The following HACD2 variants were observed in gnomAD, a reference collection of about 807,000 sequenced individuals.
HACD2 encodes very-long-chain (3R)-3-hydroxyacyl-CoA dehydratase 2.
Under a neutral mutation model 31.0 loss-of-function variants are expected in HACD2, and 15 were observed. That is an observed-to-expected ratio of 0.48 (90% confidence interval 0.32 to 0.75). The LOEUF (loss-of-function observed/expected upper bound fraction) is 0.75, where lower values mean the gene tolerates loss of function less well. Among genes scored for constraint, HACD2 ranks in the 30% least tolerant of loss-of-function variants. The pLI, the probability that HACD2 is intolerant of heterozygous loss-of-function variation, is 0.03. For missense variants in HACD2, 283 were observed against 313.0 expected, an observed-to-expected ratio of 0.90 and a Z score of 0.72; for synonymous variants, 115 against 122.2, an observed-to-expected ratio of 0.94 and a Z score of 0.39.
At chr3:123,529,108 A>T (rs188036595) in intron 3 of HACD2, among the ~76,000 whole-genome samples, 2 of 149,994 alleles carry the variant, frequency 1.3e-5, no homozygotes, top group African/African-American at 2.5e-5. Context: ...TATTTTCTTT[A>T]TTTATTTTTT....
In HACD2 at chr3:123,530,702, C is replaced by T. The variant is rs115536624; in HGVS notation, c.293-2228G>A. Among the ~76,000 whole-genome samples, 665 of 151,148 alleles carry T rather than the reference C, an allele frequency of 4.4e-3. 4 individuals are homozygous for T. The highest frequency in any genetic ancestry group is 0.016 in the African/African-American group (646 of 41,236). ...GATTACAGGCGTGAGCCACTGCGCCCGGCCTGCCCAGGTAATTTTTTAAAG... is the reference window on the plus strand; with the variant it reads ...GATTACAGGCGTGAGCCACTGCGCCTGGCCTGCCCAGGTAATTTTTTAAAG... On this transcript the variant is annotated intron_variant, in intron 3 of 6. Transcript: ENST00000383657.
chr3:123,554,577 G>C (rs2056654958), intron 3 of HACD2, among the ~76,000 whole-genome samples: 1 of 152,076 alleles, frequency 6.6e-6, no homozygotes, highest in Non-Finnish European at 1.5e-5. Flanking sequence ...ATATAACAGA[G>C]TATGTAGCAA....
chr3:123,519,559 T>A (rs1328840914), intron 4 of HACD2, among the ~76,000 whole-genome samples: 1 of 152,268 alleles, frequency 6.6e-6, no homozygotes, highest in Admixed American at 6.5e-5. Context: ...AGAGATCAGT[T>A]ACCTGACTGA....
chr3:123,516,813 G>A (rs1208164951), intron 4 of HACD2, among the ~76,000 whole-genome samples: 1 of 152,128 alleles, frequency 6.6e-6, no homozygotes, highest in East Asian at 1.9e-4. Context: ...AACTTTAATG[G>A]TTCCTATGTG....
Position 123,567,799 on chromosome 3 carries a change from A to T in HACD2, c.274-19T>A, listed in dbSNP as rs761406002. ...GTAAAATCTAGAGGAAAAAAGGGGA[A>T]AAAAGAGGAGAATTAGTAAGAATCA... On this transcript the variant is annotated intron_variant, in intron 2 of 6. Coordinates refer to ENST00000383657, the MANE Select transcript of HACD2 (RefSeq NM_198402.5). The T allele has an allele frequency of 6.1e-6, 9 of 1,471,128 alleles. No homozygotes were observed. Among genetic ancestry groups the T allele is most frequent in the Admixed American group, 2.2e-5 (1 of 44,716 alleles). 91.1% of individuals were successfully genotyped at this position (1,471,128 alleles called of 1,614,324 possible).
chr3:123,571,960 G>A (rs1433271630), intron 2 of HACD2, among the ~76,000 whole-genome samples: 2 of 152,142 alleles, frequency 1.3e-5, no homozygotes, highest in African/African-American at 2.4e-5. Flanking sequence ...GAGATATGCA[G>A]AAGCCAAGGA....
chr3:123,528,443 A>G lies in HACD2; in HGVS notation c.324T>C (p.Ser108=), dbSNP rs2107706821. 2 of 1,612,810 alleles carry G rather than the reference A, an allele frequency of 1.2e-6. No homozygotes were observed. Among genetic ancestry groups the G allele is most frequent in the East Asian group, 4.5e-5 (2 of 44,844 alleles). Residue 108 remains serine, a synonymous_variant, in exon 4 of 7, where the codon TCT becomes TCC. Coordinates refer to ENST00000383657, the MANE Select transcript of HACD2 (RefSeq NM_198402.5). ...GIVPSSVVLT[S]FQVMSRVFLI... Reference sequence around the variant, plus strand: ...GAAAAACTCTTGACATCACCTGGAAAGAAGTCAGGACAACAGAAGATGGAA... The same window carrying G: ...GAAAAACTCTTGACATCACCTGGAAGGAAGTCAGGACAACAGAAGATGGAA...
chr3:123,528,239 T>C, intron 4 of HACD2, 147 bp downstream of exon 4: 1 of 613,858 alleles, frequency 1.6e-6, no homozygotes, highest in South Asian at 2.1e-5. Flanking sequence ...ACCCAGTTCC[T>C]ACAGTGAATG....
intron 3 of HACD2, among the ~76,000 whole-genome samples, chr3:123,538,809 G>C (rs909074310): frequency 6.6e-5 from 10 of 152,182 alleles, no homozygotes; most frequent in African/African-American, 2.4e-4. Flanking sequence ...TGATGTTACT[G>C]TTCTTTATAC....
chr3:123,559,298 CCT>C (rs1242339096), intron 3 of HACD2, among the ~76,000 whole-genome samples: 7 of 152,122 alleles, frequency 4.6e-5, no homozygotes, highest in Non-Finnish European at 1.0e-4. Flanking sequence ...TTGTGTGTGT[CCT>C]CTCTCAATTC....
chr3:123,528,071 C>A (rs564253778), intron 4 of HACD2, among the ~76,000 whole-genome samples: 1 of 152,202 alleles, frequency 6.6e-6, no homozygotes, highest in African/African-American at 2.4e-5. Flanking sequence ...GCGGCCTGGG[C>A]AACATGATAC....
At chr3:123,569,412 G>A (rs1165441577) in intron 2 of HACD2, among the ~76,000 whole-genome samples, 1 of 152,188 alleles carries the variant, frequency 6.6e-6, no homozygotes, top group Non-Finnish European at 1.5e-5. Flanking sequence ...CCCAGGCAGA[G>A]TGCAGTGGTG....
chr3:123,542,600 CAA>C (rs750792238), intron 3 of HACD2, among the ~76,000 whole-genome samples: 6 of 152,152 alleles, frequency 3.9e-5, no homozygotes, highest in African/African-American at 7.2e-5. Context: ...CGGCATAAGC[CAA>C]AGACTAAAGA....
chr3:123,536,835 T>C (rs965777352), intron 3 of HACD2, among the ~76,000 whole-genome samples: 1 of 152,184 alleles, frequency 6.6e-6, no homozygotes, highest in African/African-American at 2.4e-5. Flanking sequence ...GAGGATATCA[T>C]ACCCACTCAA....
chr3:123,566,067 C>T (rs185711266), intron 3 of HACD2, among the ~76,000 whole-genome samples: 1 of 152,242 alleles, frequency 6.6e-6, no homozygotes, highest in Non-Finnish European at 1.5e-5. Flanking sequence ...TCAAATCTAC[C>T]ATTCAAAGGT....
At chr3:123,555,930 A>T (rs2056668020) in intron 3 of HACD2, among the ~76,000 whole-genome samples, 1 of 152,360 alleles carries the variant, frequency 6.6e-6, no homozygotes, top group African/African-American at 2.4e-5. Flanking sequence ...AATGGCATAA[A>T]GACAACGCAA....
rs116213262 is a variant in HACD2, at chr3:123,570,748, C to T, written c.274-2968G>A. On this transcript the variant is annotated intron_variant, in intron 2 of 6. Coordinates refer to ENST00000383657, the MANE Select transcript of HACD2 (RefSeq NM_198402.5). ...ACGGTCTGTAAAAAGACCTTGAAAACGTATTCTTTAAATGGTGCAACAAGG... is the reference window on the plus strand; with the variant it reads ...ACGGTCTGTAAAAAGACCTTGAAAATGTATTCTTTAAATGGTGCAACAAGG... 3.8e-3 allele frequency among the ~76,000 whole-genome samples: 584 copies of T among 152,134 alleles called. 3 individuals carry two copies. The highest frequency in any genetic ancestry group is 0.013 in the African/African-American group (553 of 41,490).
chr3:123,583,920 T>C (rs1208692192), intron 1 of HACD2, among the ~76,000 whole-genome samples: 1 of 152,254 alleles, frequency 6.6e-6, no homozygotes, highest in African/African-American at 2.4e-5. Context: ...ATGTTCACTA[T>C]ACAATTCTTT....
intron 3 of HACD2, among the ~76,000 whole-genome samples, chr3:123,556,444 A>C (rs1208338418): frequency 2.0e-5 from 3 of 152,086 alleles, no homozygotes; most frequent in Non-Finnish European, 4.4e-5. Flanking sequence ...CTCAAAAAAA[A>C]AAAAAAAATG....
Sources: gnomAD v4.1 joint callset for allele counts (sites outside exome capture counted in the v4.1 genomes callset) on GRCh38, gnomAD v4.1.1 for gene constraint, MANE v1.5 for transcripts, NCBI Gene and HGNC (gene_info 2026-07-23, HGNC 2026-07-21) for gene names.